The following CNTN4 variants were observed in gnomAD, a reference collection of about 807,000 sequenced individuals.
CNTN4 encodes the protein contactin 4.
CNTN4 carries 77 observed loss-of-function variants against 122.5 expected under a neutral mutation model. The ratio of observed to expected loss-of-function variants is 0.63; its 90% CI spans 0.52 to 0.76. The LOEUF (loss-of-function observed/expected upper bound fraction) is 0.76, where lower values mean the gene tolerates loss of function less well. Among genes scored for constraint, CNTN4 ranks in the 30% least tolerant of loss-of-function variants. CNTN4 has a pLI of 0.00. For synonymous variants in CNTN4, 512 were observed against 447.0 expected (o/e 1.15, Z -1.83); for missense variants, 1,256 against 1,259.1 (o/e 1.00, Z 0.04).
intron 10 of CNTN4, among the ~76,000 whole-genome samples, chr3:2,899,335 TG>T (rs985902623): frequency 6.6e-6 from 1 of 152,218 alleles, no homozygotes; most frequent in African/African-American, 2.4e-5. Flanking sequence ...TCAAGTCAGC[TG>T]GAAGAGATGT....
intron 3 of CNTN4, among the ~76,000 whole-genome samples, chr3:2,363,624 G>A (rs1297116316): frequency 6.6e-6 from 1 of 152,102 alleles, no homozygotes; most frequent in Non-Finnish European, 1.5e-5. Context: ...CTGCAGTTTA[G>A]ATCCAGATTT....
At chr3:3,010,180 A>G (rs4685591) in intron 14 of CNTN4, among the ~76,000 whole-genome samples, 93,561 of 151,720 alleles carry the variant, frequency 0.62, 29,369 homozygotes, top group Middle Eastern at 0.72. Context: ...TACTTCTGGG[A>G]TGGGGAGGGT....
At chr3:2,312,990 AATAT>A (rs2150151383) in intron 2 of CNTN4, among the ~76,000 whole-genome samples, 1 of 152,178 alleles carries the variant, frequency 6.6e-6, no homozygotes, top group South Asian at 2.1e-4. Context: ...TCTTCAGGCA[AATAT>A]ATATAGCCTT....
At chr3:2,879,488 A>C (rs1048201808) in intron 8 of CNTN4, among the ~76,000 whole-genome samples, 1 of 152,228 alleles carries the variant, frequency 6.6e-6, no homozygotes, top group African/African-American at 2.4e-5. Flanking sequence ...GGCATATCCT[A>C]CAGTGGAATA....
intron 2 of CNTN4, among the ~76,000 whole-genome samples, chr3:2,253,664 C>G (rs954869098): frequency 8.0e-5 from 12 of 150,240 alleles, no homozygotes; most frequent in African/African-American, 2.7e-4. Context: ...TTTATTGAGA[C>G]AGAGTCGCAC....
At chr3:2,662,991 G>T (rs1576379300) in intron 4 of CNTN4, among the ~76,000 whole-genome samples, 1 of 151,924 alleles carries the variant, frequency 6.6e-6, no homozygotes, top group Non-Finnish European at 1.5e-5. Flanking sequence ...AATCCCAGCT[G>T]CTCAGGAGGC....
At chr3:2,912,728 C>T (rs1041960337) in intron 12 of CNTN4, among the ~76,000 whole-genome samples, 1 of 152,096 alleles carries the variant, frequency 6.6e-6, no homozygotes, top group Admixed American at 6.5e-5. Context: ...TAAATTGTTG[C>T]CAGCTTGAAT....
intron 2 of CNTN4, among the ~76,000 whole-genome samples, chr3:2,131,426 A>G (rs556812310): frequency 6.6e-6 from 1 of 152,316 alleles, no homozygotes; most frequent in African/African-American, 2.4e-5. Flanking sequence ...AATGAGTCTC[A>G]GTAGCAACAC....
intron 7 of CNTN4, among the ~76,000 whole-genome samples, chr3:2,834,898 C>CTTTTTTTTTTTTTTCT (rs60033461): frequency 7.9e-4 from 48 of 60,446 alleles, no homozygotes; most frequent in African/African-American, 3.2e-3. Context: ...TAAAGGCAAC[C>CTTTTTTTTTTTTTTCT]TTTTTTTTTT....
chr3:2,662,352 G>A (rs978619155), intron 4 of CNTN4, among the ~76,000 whole-genome samples: 6 of 152,150 alleles, frequency 3.9e-5, no homozygotes, highest in African/African-American at 9.7e-5. Context: ...AACAACTATG[G>A]TTCATACAGT....
chr3:2,347,096 T>C (rs551499546), intron 3 of CNTN4, among the ~76,000 whole-genome samples: 9 of 152,118 alleles, frequency 5.9e-5, no homozygotes, highest in Non-Finnish European at 7.4e-5. Flanking sequence ...TCAGTGTCTA[T>C]TCTGCTACTT....
At chr3:2,156,003 G>A (rs895553227) in intron 2 of CNTN4, among the ~76,000 whole-genome samples, 1 of 152,132 alleles carries the variant, frequency 6.6e-6, no homozygotes, top group African/African-American at 2.4e-5. Flanking sequence ...AGCTCGGGTT[G>A]CTTTTTCTCT....
intron 14 of CNTN4, among the ~76,000 whole-genome samples, chr3:3,004,884 G>T (rs150189261): frequency 2.2e-3 from 339 of 152,272 alleles, no homozygotes; most frequent in African/African-American, 7.8e-3. Flanking sequence ...GCTCTTCAGG[G>T]GTCAGCTGGG....
At chr3:2,705,661 A>G (rs1410074758) in intron 4 of CNTN4, among the ~76,000 whole-genome samples, 2 of 92,212 alleles carry the variant, frequency 2.2e-5, no homozygotes, top group Non-Finnish European at 3.7e-5. Flanking sequence ...AGTATATTAT[A>G]TATATTTATA....
chr3:2,676,556 C>T (rs1200593869), intron 4 of CNTN4, among the ~76,000 whole-genome samples: 2 of 152,250 alleles, frequency 1.3e-5, no homozygotes, highest in African/African-American at 4.8e-5. Flanking sequence ...TCTACCTATA[C>T]AATTTGGAGG....
intron 4 of CNTN4, among the ~76,000 whole-genome samples, chr3:2,612,045 C>T (rs569236573): frequency 7.9e-5 from 12 of 151,930 alleles, no homozygotes; most frequent in African/African-American, 2.4e-4. Context: ...AAAAATAACA[C>T]ATGCTTTCAA....
At chr3:2,120,406 T>TATAAATATATATATATATATA in intron 2 of CNTN4, among the ~76,000 whole-genome samples, 1 of 24,562 alleles carries the variant, frequency 4.1e-5, no homozygotes, top group African/African-American at 1.3e-4. Flanking sequence ...TATATATATA[T>TATAAATATATATATATATATA]TTTTTTTTTT....
intron 2 of CNTN4, among the ~76,000 whole-genome samples, chr3:2,145,210 T>G (rs983615699): frequency 2.0e-5 from 3 of 152,226 alleles, no homozygotes; most frequent in Non-Finnish European, 4.4e-5. Context: ...CTCTTGTCAC[T>G]TCATCAAATT....
chr3:2,688,636 T>C (rs2085563536), intron 4 of CNTN4, among the ~76,000 whole-genome samples: 1 of 152,186 alleles, frequency 6.6e-6, no homozygotes, highest in South Asian at 2.1e-4. Context: ...AGCTTGATAA[T>C]GAGGAAACAT....
Sources: allele counts gnomAD v4.1 joint callset (sites outside exome capture counted in the v4.1 genomes callset), GRCh38; gene constraint gnomAD v4.1.1; transcripts MANE v1.5; gene names NCBI Gene and HGNC (gene_info 2026-07-23, HGNC 2026-07-21).